The following LPL variants were observed in gnomAD, a reference collection of about 807,000 sequenced individuals.
The protein encoded by LPL is phospholipase A1.
In LPL, 43 loss-of-function variants were observed where a neutral mutation model predicts 52.2. The observed-to-expected ratio is 0.82, with a 90% CI of 0.64 to 1.06. LPL has a LOEUF of 1.06. LPL is among the 50% of genes least tolerant of loss of function. The probability of loss-of-function intolerance (pLI) is 0.00; values close to 1 mark genes in which losing one functional copy is unlikely to be tolerated. For missense variants in LPL, 639 were observed against 585.3 expected, an observed-to-expected ratio of 1.09 and a Z score of -0.95; for synonymous variants, 244 against 215.6, an observed-to-expected ratio of 1.13 and a Z score of -1.15.
chr8:19,952,937 T>C (rs1350883740), intron 3 of LPL, among the ~76,000 whole-genome samples: 1 of 152,132 alleles, frequency 6.6e-6, no homozygotes, highest in Non-Finnish European at 1.5e-5. Context: ...CGCATATGTA[T>C]ATGTGTATAT....
intron 7 of LPL, among the ~76,000 whole-genome samples, chr8:19,960,535 A>T (rs985838274): frequency 2.6e-5 from 4 of 152,192 alleles, no homozygotes; most frequent in Non-Finnish European, 4.4e-5. Context: ...AAATCTGAAG[A>T]GAATAAAGAA....
chr8:19,955,355 G>A (rs1001806666), intron 5 of LPL, among the ~76,000 whole-genome samples: 4 of 152,136 alleles, frequency 2.6e-5, no homozygotes, highest in African/African-American at 4.8e-5. Context: ...TTTAAGTTGA[G>A]AAGCACGTGA....
chr8:19,961,845 G>T (rs1405637447), intron 8 of LPL, among the ~76,000 whole-genome samples: 2 of 152,112 alleles, frequency 1.3e-5, no homozygotes, highest in Non-Finnish European at 2.9e-5. Context: ...ATCATCTCTT[G>T]GTGAAAGCCC....
In LPL at chr8:19,958,544, G is replaced by A. The variant is rs292; in HGVS notation, c.1019-716G>A. On this transcript the variant is annotated intron_variant, in intron 6 of 9. Transcript: ENST00000650287. ...GGCAGTCCTTGTGGCCTCACTGATG[G>A]CTCAATGAAATAAGTTCTTTTTTAA... 4.0e-3 allele frequency among the ~76,000 whole-genome samples: 603 copies of A among 151,482 alleles called. 3 individuals carry two copies. The highest frequency in any genetic ancestry group is 0.014 in the African/African-American group (585 of 41,198).
At position 19,953,309 on chromosome 8, in the gene LPL, G is replaced by C; in HGVS notation, c.430-1G>C. ...ACCTTCATTTTCTTTTTCTTCCAAA[G>C]GAGGAGTTTAACTACCCTCTGGACA... On this transcript the variant is annotated splice_acceptor_variant, in intron 3 of 9. Transcript: ENST00000650287. LOFTEE classifies it high-confidence loss of function. The C allele has an allele frequency of 6.3e-7, 1 of 1,591,200 alleles. No homozygotes were observed. Among genetic ancestry groups the C allele is most frequent in the South Asian group, 1.1e-5 (1 of 90,680 alleles).
At chr8:19,947,411 G>A (rs1049225955) in intron 1 of LPL, among the ~76,000 whole-genome samples, 8 of 152,018 alleles carry the variant, frequency 5.3e-5, no homozygotes, top group African/African-American at 1.9e-4. Context: ...AGGCTGAGGC[G>A]GGTGGATCAC....
At position 19,945,511 on chromosome 8, in the gene LPL, TA is replaced by T. The variant is rs1337880722; in HGVS notation, c.89-2668del. ...AAATGAAAGTCTCTAAATACAAATT[TA>T]CTAGAGGATGTGTAAATTTCCTACT... On this transcript the variant is annotated intron_variant, in intron 1 of 9. Transcript: ENST00000650287. Among the ~76,000 whole-genome samples, 6 of 152,310 alleles carry T rather than the reference TA, an allele frequency of 3.9e-5. No homozygotes were observed. The East Asian group carries it at 1.2e-3, about 29-fold the overall frequency.
chr8:19,963,875 C>G (rs28424158), intron 9 of LPL, among the ~76,000 whole-genome samples: 4 of 152,000 alleles, frequency 2.6e-5, no homozygotes, highest in Admixed American at 2.6e-4. Context: ...TGTTTTTCCT[C>G]ATCACAAATC....
intron 4 of LPL, 93 bp downstream of exon 4, chr8:19,953,514 G>A: frequency 1.2e-6 from 1 of 859,622 alleles, no homozygotes; most frequent in South Asian, 1.4e-5. Flanking sequence ...ATACCCACAT[G>A]TGTGGTGTTC....
At chr8:19,948,028 T>C in intron 1 of LPL, 152 bp from the exon 2 acceptor site, 1 of 754,578 alleles carries the variant, frequency 1.3e-6, no homozygotes, top group Non-Finnish European at 2.3e-6. Context: ...GGAGCATCTG[T>C]TGTTCTCTTG....
At position 19,953,311 on chromosome 8, in the gene LPL, A is replaced by G; in HGVS notation, c.431A>G (p.Glu144Gly). Residue 144 changes from glutamate (E) to glycine (G), a missense_variant and splice_region_variant, in exon 4 of 10, where the codon GAG becomes GGG. Coordinates refer to ENST00000650287, the MANE Select transcript of LPL (RefSeq NM_000237.3). ...DVARFINWME[E>G]EFNYPLDNVH... Reference sequence around the variant, plus strand: ...CTTCATTTTCTTTTTCTTCCAAAGGAGGAGTTTAACTACCCTCTGGACAAT... The same window carrying G: ...CTTCATTTTCTTTTTCTTCCAAAGGGGGAGTTTAACTACCCTCTGGACAAT... 1 of 1,591,916 alleles carries G rather than the reference A, an allele frequency of 6.3e-7. No individual in the cohort carries two copies. The highest frequency in any genetic ancestry group is 1.1e-5 in the South Asian group (1 of 90,710).
At chr8:19,956,947 C>T (rs765634474) in intron 6 of LPL, among the ~76,000 whole-genome samples, 8 of 152,136 alleles carry the variant, frequency 5.3e-5, no homozygotes, top group African/African-American at 9.7e-5. Context: ...CCTCAGCCTC[C>T]GGAGTAGCTG....
At position 19,965,619 on chromosome 8, in the gene LPL, A is replaced by T. The variant is rs886062794; in HGVS notation, c.*309A>T. The stretch of plus-strand genomic sequence containing the variant: ...TAATTGTTTGAGCGCAGAGTAAAAT[A>T]AGGCTCCTTCATGTGGCGTATTGGG... On this transcript the variant is annotated 3_prime_UTR_variant, in exon 10 of 10. Coordinates refer to ENST00000650287, the MANE Select transcript of LPL (RefSeq NM_000237.3). 22 of 342,656 alleles carry T rather than the reference A, an allele frequency of 6.4e-5. No homozygotes were observed. Among genetic ancestry groups the T allele is most frequent in the Non-Finnish European group, 1.0e-4 (19 of 187,932 alleles). The allele number at this position is 342,656 out of a possible 1,614,324, so 21.2% of individuals were successfully genotyped here.
rs781614031 is a variant in LPL, at chr8:19,954,125, G to A, written c.547G>A (p.Asp183Asn). 8.7e-6 allele frequency: 14 copies of A among 1,613,550 alleles called. No individual in the cohort carries two copies. The highest frequency in any genetic ancestry group is 4.0e-5 in the African/African-American group (3 of 74,874). ...NKKVNRITGL[D>N]PAGPNFEYAE... ...CTGCTTTTTTCCCTTTTAAGGCCTCGATCCAGCTGGACCTAACTTTGAGTA... is the reference window on the plus strand; with the variant it reads ...CTGCTTTTTTCCCTTTTAAGGCCTCAATCCAGCTGGACCTAACTTTGAGTA... Residue 183 changes from aspartate (D) to asparagine (N), a missense_variant, in exon 5 of 10, where the codon GAT (aspartate) becomes AAT (asparagine). By Grantham distance (23) the Asp-to-Asn change is conservative (BLOSUM62 1). Coordinates refer to ENST00000650287, the MANE Select transcript of LPL (RefSeq NM_000237.3).
intron 7 of LPL, 82 bp from the exon 8 acceptor site, chr8:19,960,819 A>G (rs2070031419): frequency 4.1e-6 from 4 of 964,090 alleles, no homozygotes; most frequent in Non-Finnish European, 5.0e-6. Flanking sequence ...AAAGCTATTT[A>G]TATTTGGAGA....
intron 9 of LPL, 53 bp downstream of exon 9, chr8:19,962,272 G>A (rs2070046865): frequency 1.4e-6 from 2 of 1,381,268 alleles, no homozygotes; most frequent in Non-Finnish European, 2.1e-6. Flanking sequence ...CACCCTAAGG[G>A]AGGCAGCTTC....
rs373279933 is a variant in LPL, at chr8:19,948,445, C to T, written c.249+105C>T. The T allele has an allele frequency of 1.2e-3, 1,600 of 1,286,510 alleles. 2 individuals are homozygous for T. The highest frequency in any genetic ancestry group is 1.5e-3 in the Non-Finnish European group (1,338 of 920,584). The allele number at this position is 1,286,510 out of a possible 1,614,324, so 79.7% of individuals were successfully genotyped here. A position where few individuals can be genotyped will look rare whatever the true frequency, so the allele number is the denominator to read the frequency against. On this transcript the variant is annotated intron_variant, in intron 2 of 9. Transcript: ENST00000650287. The stretch of plus-strand genomic sequence containing the variant: ...TGATGGGTCCGCACCCCACATCTCA[C>T]GTGGATCTCCTTACACTTGAATAAA...
intron 1 of LPL, among the ~76,000 whole-genome samples, chr8:19,941,212 T>C (rs1450895110): frequency 6.6e-6 from 1 of 152,248 alleles, no homozygotes; most frequent in Non-Finnish European, 1.5e-5. Flanking sequence ...GATGAGAAAG[T>C]CTTCAACATC....
At position 19,966,433 on chromosome 8, in the gene LPL, T is replaced by C. The variant is rs1440142624; in HGVS notation, c.*1123T>C. 1 of 152,216 alleles carries C rather than the reference T, an allele frequency of 6.6e-6. No homozygotes were observed. The highest frequency in any genetic ancestry group is 6.5e-5 in the Admixed American group (1 of 15,290). 9.4% of individuals were successfully genotyped at this position (152,216 alleles called of 1,614,324 possible). On this transcript the variant is annotated 3_prime_UTR_variant, in exon 10 of 10. Coordinates refer to ENST00000650287, the MANE Select transcript of LPL (RefSeq NM_000237.3). ...AAACCATCGCGTGCAATGAGCCAGA[T>C]GGAGTACCATGAGGGTTGCTATTTG...
Sources: allele counts gnomAD v4.1 joint callset (sites outside exome capture counted in the v4.1 genomes callset), GRCh38; gene constraint gnomAD v4.1.1; transcripts MANE v1.5; gene names NCBI Gene and HGNC (gene_info 2026-07-23, HGNC 2026-07-21).